Variants in SLC66A1 observed in about 807,000 individuals in gnomAD.
The protein encoded by SLC66A1 is solute carrier family 66 member 1, also known as lysosomal amino acid transporter 1 homolog.
Under a neutral mutation model 33.0 loss-of-function variants are expected in SLC66A1, and 23 were observed. The ratio of observed to expected loss-of-function variants is 0.70; its 90% confidence interval spans 0.50 to 0.99. The LOEUF (loss-of-function observed/expected upper bound fraction) is 0.99, where lower values mean the gene tolerates loss of function less well. Ranked by LOEUF, SLC66A1 falls within the 50% of genes least tolerant of loss-of-function variation. The pLI is 0.00. For missense variants in SLC66A1, 335 were observed against 383.6 expected (o/e 0.87, Z 1.06); for synonymous variants, 164 against 175.5 (o/e 0.93, Z 0.52).
At chr1:19,314,647 T>C (rs2093795602) in intron 1 of SLC66A1, among the ~76,000 whole-genome samples, 1 of 152,194 alleles carries the variant, frequency 6.6e-6, no homozygotes, top group African/African-American at 2.4e-5. Flanking sequence ...AGCCCCATTT[T>C]ATGGACAGGC....
intron 1 of SLC66A1, among the ~76,000 whole-genome samples, chr1:19,313,384 A>G: frequency 6.6e-6 from 1 of 151,128 alleles, no homozygotes; most frequent in East Asian, 1.9e-4. Flanking sequence ...TCTTTCTCTC[A>G]CTGTCTCTCA....
downstream of SLC66A1, among the ~76,000 whole-genome samples, chr1:19,330,659 A>C (rs2093889901): frequency 6.6e-6 from 1 of 152,180 alleles, no homozygotes; most frequent in African/African-American, 2.4e-5. Flanking sequence ...AGAGGCCTGG[A>C]GGTGGGTGTC....
At position 19,328,756 on chromosome 1, in the gene SLC66A1, G is replaced by A. The variant is rs1044664424; in HGVS notation, c.*113G>A. ...CTGCATCAGCCTGCGGGTGGCCTCT[G>A]GATCCTCCGTGGACCGAACCGTCCC... On this transcript the variant is annotated 3_prime_UTR_variant, in exon 8 of 8. Transcript: ENST00000375153. The surrounding 1 kb of genome is among the most constrained non-coding windows in gnomAD (Gnocchi z 4.7). 7.6e-6 allele frequency: 9 copies of A among 1,190,110 alleles called. No individual in the cohort carries two copies. In the African/African-American group the frequency reaches 9.1e-5, roughly 12 times the overall value. The allele number at this position is 1,190,110 out of a possible 1,614,324, so 73.7% of individuals were successfully genotyped here. A position where few individuals can be genotyped will look rare whatever the true frequency, so the allele number is the denominator to read the frequency against.
intron 2 of SLC66A1, among the ~76,000 whole-genome samples, chr1:19,320,410 GTC>G (rs2093828329): frequency 8.0e-6 from 1 of 125,228 alleles, no homozygotes; most frequent in African/African-American, 3.1e-5. Context: ...CTGGTGGCCT[GTC>G]TTTTTTTTTT....
Position 19,326,241 on chromosome 1 carries a change from G to A in SLC66A1, c.383-4G>A. The A allele has an allele frequency of 2.5e-6, 4 of 1,599,130 alleles. No individual in the cohort carries two copies. The highest frequency in any genetic ancestry group is 3.4e-6 in the Non-Finnish European group (4 of 1,176,640). The stretch of plus-strand genomic sequence containing the variant: ...ACCTCAGCTTCCCCCTGCCTTGTGT[G>A]CAGTGTCTGCCCCCATCAACTCCGT... On this transcript the variant is annotated splice_region_variant and splice_polypyrimidine_tract_variant and intron_variant, in intron 4 of 7. Coordinates refer to ENST00000375153, the MANE Select transcript of SLC66A1 (RefSeq NM_001040125.2).
In SLC66A1 at chr1:19,327,583, C is replaced by T. The variant is rs558556316; in HGVS notation, c.804+171C>T. The T allele has an allele frequency of 4.3e-5, 37 of 851,966 alleles. No homozygotes were observed. In the African/African-American group the frequency reaches 6.1e-4, roughly 14 times the overall value. 52.8% of individuals were successfully genotyped at this position (851,966 alleles called of 1,614,324 possible). On this transcript the variant is annotated intron_variant, in intron 7 of 7. Coordinates refer to ENST00000375153, the MANE Select transcript of SLC66A1 (RefSeq NM_001040125.2). The stretch of plus-strand genomic sequence containing the variant: ...TCTGTTCACCCAGTCGTGCACACCT[C>T]CTGTGTGCCAGGCACCCAGCTGGAC...
Position 19,327,355 on chromosome 1 carries a change from G to C in SLC66A1, c.747G>C (p.Leu249=). The change falls in exon 7 of 8, where the codon CTG becomes CTC. Residue 249 remains leucine, a synonymous_variant. Transcript: ENST00000375153. ...AGGGCCAGAGCGAGGGCAGCTACCTGCTGCACCACCTGCCCTGGCTTGTGG... is the reference window on the plus strand; with the variant it reads ...AGGGCCAGAGCGAGGGCAGCTACCTCCTGCACCACCTGCCCTGGCTTGTGG... The part of the protein sequence containing the change: ...PEEGQSEGSY[L]LHHLPWLVGS... 6.2e-7 allele frequency: 1 copy of C among 1,610,196 alleles called. No individual in the cohort carries two copies. Among genetic ancestry groups the C allele is most frequent in the Non-Finnish European group, 8.5e-7 (1 of 1,177,990 alleles).
downstream of SLC66A1, among the ~76,000 whole-genome samples, chr1:19,331,893 A>C (rs912863983): frequency 6.6e-6 from 1 of 152,108 alleles, no homozygotes; most frequent in Non-Finnish European, 1.5e-5. Context: ...CCTGGGAAAC[A>C]CCAGCTTTTG....
At chr1:19,320,589 A>AT (rs375394805) in intron 2 of SLC66A1, among the ~76,000 whole-genome samples, 7 of 147,284 alleles carry the variant, frequency 4.8e-5, no homozygotes, top group South Asian at 2.2e-4. Flanking sequence ...AATTTTTTGT[A>AT]TTTTTTTAGT....
At chr1:19,313,199 C>A (rs1043541457) in intron 1 of SLC66A1, 10 of 985,328 alleles carry the variant, frequency 1.0e-5, no homozygotes, top group Non-Finnish European at 1.1e-5. Context: ...GAGTTCCAGA[C>A]TGGTAGGCAT....
At chr1:19,314,788 G>A (rs565846867) in intron 1 of SLC66A1, among the ~76,000 whole-genome samples, 2 of 152,346 alleles carry the variant, frequency 1.3e-5, no homozygotes, top group East Asian at 3.9e-4. Flanking sequence ...ACTCTGCAAG[G>A]GGGTGTGGGG....
chr1:19,333,935 A>AAACACAACAC (rs1553264967), downstream of SLC66A1, among the ~76,000 whole-genome samples: 1 of 111,228 alleles, frequency 9.0e-6, no homozygotes, highest in African/African-American at 3.3e-5. This position sits in a 1 kb window ranked among gnomAD's most constrained non-coding sequence, Gnocchi z 4.2. Flanking sequence ...AAACAAAACA[A>AAACACAACAC]AACACAGGAA....
chr1:19,324,639 C>A lies in SLC66A1; in HGVS notation c.171C>A (p.Phe57Leu), dbSNP rs1388471080. ...LCFAASTFPQFIKAYKTGNMD... is the reference protein window; with the variant it reads ...LCFAASTFPQLIKAYKTGNMD... ...TCCTCTTCCTCTTCCACAGCCAGTT[C>A]ATCAAAGCCTACAAGACGGGCAACA... Residue 57 changes from phenylalanine to leucine, a missense_variant, in exon 3 of 8, where the codon TTC (phenylalanine) becomes TTA (leucine). Phe to Leu is a conservative substitution (Grantham distance 22). Coordinates refer to ENST00000375153, the MANE Select transcript of SLC66A1 (RefSeq NM_001040125.2). The A allele has an allele frequency of 6.2e-7, 1 of 1,614,166 alleles. No homozygotes were observed. Among genetic ancestry groups the A allele is most frequent in the East Asian group, 2.2e-5 (1 of 44,880 alleles).
At chr1:19,333,935 A>C (rs539557), downstream of SLC66A1, among the ~76,000 whole-genome samples, 39,499 of 111,252 alleles carry the variant, frequency 0.36, 5,810 homozygotes, top group South Asian at 0.47. This position sits in a 1 kb window ranked among gnomAD's most constrained non-coding sequence, Gnocchi z 4.2. Context: ...AAACAAAACA[A>C]AACACAGGAA....
chr1:19,316,084 G>C (rs1307226330), intron 1 of SLC66A1, among the ~76,000 whole-genome samples: 2 of 152,214 alleles, frequency 1.3e-5, no homozygotes, highest in Non-Finnish European at 2.9e-5. Flanking sequence ...GGCAATGACT[G>C]CTCTACTCAC....
rs527810181 is a variant in SLC66A1 at position 19,327,220 on chromosome 1, G to T, written c.619-7G>T. The T allele has an allele frequency of 4.3e-6, 7 of 1,612,070 alleles. No individual in the cohort carries two copies. In the Middle Eastern group the frequency reaches 5.0e-4, roughly 114 times the overall value. On this transcript the variant is annotated splice_region_variant and splice_polypyrimidine_tract_variant and intron_variant, in intron 6 of 7. Transcript: ENST00000375153. ...GAGGTCTCTGACCTGACCTCCTCCT[G>T]CCCCAGTTCCTCCGGAAGTCCACCC...
At chr1:19,322,579 C>T (rs561142542) in intron 2 of SLC66A1, among the ~76,000 whole-genome samples, 4 of 152,164 alleles carry the variant, frequency 2.6e-5, no homozygotes, top group African/African-American at 7.2e-5. Context: ...CTGGGAGGGA[C>T]GGGGATGTCA....
At chr1:19,322,692 C>G (rs1475899454) in intron 2 of SLC66A1, among the ~76,000 whole-genome samples, 4 of 152,042 alleles carry the variant, frequency 2.6e-5, no homozygotes, top group Non-Finnish European at 5.9e-5. Flanking sequence ...ACTCCGAGGT[C>G]TCTGGGCCTG....
At chr1:19,326,964 T>C (rs1414529621) in intron 6 of SLC66A1, among the ~76,000 whole-genome samples, 1 of 151,738 alleles carries the variant, frequency 6.6e-6, no homozygotes, top group East Asian at 1.9e-4. Flanking sequence ...CTAGAGCCTG[T>C]GTGGGGTGGA....
Sources: gnomAD v4.1 joint callset for allele counts (sites outside exome capture counted in the v4.1 genomes callset) on GRCh38, gnomAD v4.1.1 for gene constraint, Gnocchi (gnomAD v3.1) non-coding constraint, MANE v1.5 for transcripts, NCBI Gene and HGNC (gene_info 2026-07-23, HGNC 2026-07-21) for gene names.